ZFPM1: variants seen among roughly 807,000 people sequenced by gnomAD.
The protein encoded by ZFPM1 is zinc finger protein ZFPM1.
A neutral mutation model predicts 46.3 loss-of-function variants in ZFPM1; 28 were observed. That is an observed-to-expected ratio of 0.60 (90% confidence interval 0.45 to 0.83). The LOEUF is 0.83. Among genes scored for constraint, ZFPM1 ranks in the 40% least tolerant of loss-of-function variants. The probability of loss-of-function intolerance (pLI) is 0.00; values close to 1 mark genes in which losing one functional copy is unlikely to be tolerated. For missense variants in ZFPM1, 1,878 were observed against 1,432.4 expected (o/e 1.31, Z -5.02); for synonymous variants, 957 against 675.9 (o/e 1.42, Z -6.45).
At chr16:88,483,833 G>C (rs1465287187) in intron 1 of ZFPM1, among the ~76,000 whole-genome samples, 2 of 152,230 alleles carry the variant, frequency 1.3e-5, no homozygotes, top group African/African-American at 4.8e-5. Context: ...TGATCAGAGA[G>C]GGGGCTGGAG....
chr16:88,470,896 G>C (rs570985368), intron 1 of ZFPM1, among the ~76,000 whole-genome samples: 1 of 151,968 alleles, frequency 6.6e-6, no homozygotes, highest in Non-Finnish European at 1.5e-5. Flanking sequence ...ACACATCCTC[G>C]CCGAGCGCAC....
chr16:88,487,658 G>A (rs563166483), intron 2 of ZFPM1, among the ~76,000 whole-genome samples: 91 of 152,278 alleles, frequency 6.0e-4, no homozygotes, highest in South Asian at 2.7e-3. Context: ...GCATTTCCCA[G>A]TCTGAGTGTC....
rs1908321843 is a variant in ZFPM1, at chr16:88,469,657, AGACCTGGCTGGAGGC to A, written c.40+15980_40+15994del. ...GGATGAGGCAGGCTCCGCCGGCCTG[AGACCTGGCTGGAGGC>A]CCTGTCAGCTCCCACGGCACCTGAA... On this transcript the variant is annotated intron_variant, in intron 1 of 9. Coordinates refer to ENST00000319555, the MANE Select transcript of ZFPM1 (RefSeq NM_153813.3). The surrounding 1 kb of genome is among the most constrained non-coding windows in gnomAD (Gnocchi z 4.3). Among the ~76,000 whole-genome samples the A allele has an allele frequency of 6.6e-6, 1 of 152,248 alleles. No individual in the cohort carries two copies. The highest frequency in any genetic ancestry group is 2.4e-5 in the African/African-American group (1 of 41,470).
chr16:88,463,867 G>C (rs1908009297), intron 1 of ZFPM1, among the ~76,000 whole-genome samples: 1 of 152,202 alleles, frequency 6.6e-6, no homozygotes, highest in African/African-American at 2.4e-5. Flanking sequence ...CCCTGAGCAA[G>C]TCCCTTCCCT....
intron 2 of ZFPM1, among the ~76,000 whole-genome samples, chr16:88,488,014 G>A (rs1389997727): frequency 6.6e-6 from 1 of 152,248 alleles, no homozygotes; most frequent in Non-Finnish European, 1.5e-5. Flanking sequence ...CCCGGGGCCG[G>A]GCTCTTAACC....
chr16:88,519,041 G>C (rs570966383), intron 4 of ZFPM1, among the ~76,000 whole-genome samples: 1,560 of 124,484 alleles, frequency 0.013, 13 homozygotes, highest in Non-Finnish European at 0.017. Context: ...TGGATGGGTG[G>C]ATGGATAGAT....
chr16:88,533,027 G>A (rs547653489), intron 9 of ZFPM1, 92 bp downstream of exon 9: 98 of 1,550,316 alleles, frequency 6.3e-5, no homozygotes, highest in Admixed American at 2.2e-4. Context: ...GTGGGGGTCC[G>A]TTTCAGCCTT....
intron 1 of ZFPM1, among the ~76,000 whole-genome samples, chr16:88,477,914 T>C (rs1908756810): frequency 6.6e-6 from 1 of 151,334 alleles, no homozygotes; most frequent in Non-Finnish European, 1.5e-5. Flanking sequence ...GCTCTGAGGC[T>C]GCTTCAGTGG....
chr16:88,524,814 C>T (rs1320037018), intron 4 of ZFPM1, among the ~76,000 whole-genome samples: 1 of 152,222 alleles, frequency 6.6e-6, no homozygotes, highest in Non-Finnish European at 1.5e-5. Flanking sequence ...CCCCTCTGTC[C>T]CCCCAACAGC....
At chr16:88,472,401 T>A (rs1399269112) in intron 1 of ZFPM1, among the ~76,000 whole-genome samples, 44 of 150,510 alleles carry the variant, frequency 2.9e-4, no homozygotes, top group Admixed American at 3.3e-4. Context: ...GTCGCCAGGC[T>A]GGAGTACAGT....
At chr16:88,495,766 A>C (rs904600431) in intron 3 of ZFPM1, among the ~76,000 whole-genome samples, 10 of 152,182 alleles carry the variant, frequency 6.6e-5, no homozygotes, top group Admixed American at 3.9e-4. Flanking sequence ...GTGAGTGGCC[A>C]GGAGCCCACT....
chr16:88,489,497 G>A (rs759099411), intron 3 of ZFPM1: 25 of 267,428 alleles, frequency 9.3e-5, no homozygotes, highest in African/African-American at 1.8e-4. Context: ...AGGAGGCTGC[G>A]TCTGAGCTGC....
intron 6 of ZFPM1, among the ~76,000 whole-genome samples, chr16:88,531,243 T>A (rs1912762338): frequency 6.6e-6 from 1 of 152,150 alleles, no homozygotes; most frequent in African/African-American, 2.4e-5. Context: ...GGGGCAGGGC[T>A]CTGGGGCAGA....
chr16:88,524,257 C>T (rs999195985), intron 4 of ZFPM1, among the ~76,000 whole-genome samples: 4 of 152,188 alleles, frequency 2.6e-5, no homozygotes, highest in African/African-American at 7.2e-5. Context: ...GAGCGCTGCC[C>T]GCCTGGCTCG....
chr16:88,461,199 G>T lies in ZFPM1; in HGVS notation c.40+7521G>T, dbSNP rs1359771342. Among the ~76,000 whole-genome samples, 38 of 137,014 alleles carry T rather than the reference G, an allele frequency of 2.8e-4. 1 individual carries two copies. The highest frequency in any genetic ancestry group is 3.1e-5 in the Non-Finnish European group (2 of 65,150). 89.9% of individuals were successfully genotyped at this position (137,014 alleles called of 152,430 possible). ...ACCGAGGGGCGGGGCGGGAGGCCTG[G>T]TGAGGACCCAGGGGCGGGAGGCCTG... On this transcript the variant is annotated intron_variant, in intron 1 of 9. Transcript: ENST00000319555.
intron 4 of ZFPM1, among the ~76,000 whole-genome samples, chr16:88,523,746 G>A (rs1027891152): frequency 5.9e-5 from 9 of 152,188 alleles, no homozygotes; most frequent in Non-Finnish European, 1.2e-4. Context: ...CCGTGGCAGG[G>A]TGGCCGGAGC....
intron 3 of ZFPM1, among the ~76,000 whole-genome samples, chr16:88,501,181 C>T (rs974729109): frequency 4.0e-5 from 4 of 99,938 alleles, no homozygotes; most frequent in African/African-American, 1.2e-4. Flanking sequence ...GACATGGGTG[C>T]GGGGGCCCTC....
chr16:88,523,816 G>C (rs1045774042), intron 4 of ZFPM1, among the ~76,000 whole-genome samples: 4 of 152,164 alleles, frequency 2.6e-5, no homozygotes, highest in African/African-American at 9.7e-5. Flanking sequence ...GGCGGGTGCC[G>C]GATGGGAGCC....
intron 3 of ZFPM1, among the ~76,000 whole-genome samples, chr16:88,496,686 G>A (rs1320689727): frequency 6.6e-6 from 1 of 152,086 alleles, no homozygotes; most frequent in Non-Finnish European, 1.5e-5. Context: ...CTTGGGGTGG[G>A]GACGGGGACC....
Sources: allele counts gnomAD v4.1 joint callset (sites outside exome capture counted in the v4.1 genomes callset), GRCh38; gene constraint gnomAD v4.1.1; non-coding constraint Gnocchi (gnomAD v3.1); transcripts MANE v1.5; gene names NCBI Gene and HGNC (gene_info 2026-07-23, HGNC 2026-07-21).